Variants in AGMO observed in about 807,000 individuals in gnomAD.
AGMO encodes alkylglycerol monooxygenase.
In AGMO, 75 loss-of-function variants were observed where a neutral mutation model predicts 60.2. That is an observed-to-expected ratio of 1.25 (90% confidence interval 1.03 to 1.51). The LOEUF (loss-of-function observed/expected upper bound fraction) is 1.51, where lower values mean the gene tolerates loss of function less well. AGMO is among the 40% of genes most tolerant of loss of function. The pLI is 0.00. For synonymous variants in AGMO, 261 were observed against 177.1 expected, an observed-to-expected ratio of 1.47 and a Z score of -3.76; for missense variants, 763 against 525.5, an observed-to-expected ratio of 1.45 and a Z score of -4.42.
At chr7:15,276,897 T>C (rs1159617399) in intron 12 of AGMO, among the ~76,000 whole-genome samples, 1 of 151,934 alleles carries the variant, frequency 6.6e-6, no homozygotes, top group African/African-American at 2.4e-5. Flanking sequence ...TTTCCTTTTT[T>C]TTTTTTTTTA....
intron 3 of AGMO, among the ~76,000 whole-genome samples, chr7:15,440,069 C>G (rs117195473): frequency 0.01 from 1,534 of 152,322 alleles, 10 homozygotes; most frequent in Non-Finnish European, 0.016. Context: ...GGTTTCTGAT[C>G]TCACTGCAAA....
At position 15,234,743 on chromosome 7, in the gene AGMO, T is replaced by C. The variant is rs567587205; in HGVS notation, c.1264-33384A>G. Among the ~76,000 whole-genome samples, 52 of 152,316 alleles carry C rather than the reference T, an allele frequency of 3.4e-4. 2 individuals carry two copies. The South Asian group carries it at 9.9e-3, about 29-fold the overall frequency. ...GTCTGTAAACAAAGAGGAGTTGCTA[T>C]GTTTCAATAAAATTTTATGATCACT... On this transcript the variant is annotated intron_variant, in intron 12 of 12. Transcript: ENST00000342526.
chr7:15,218,327 ATG>A lies in AGMO; in HGVS notation c.1264-16970_1264-16969del, dbSNP rs138890087. 6.5e-3 allele frequency among the ~76,000 whole-genome samples: 937 copies of A among 143,974 alleles called. 10 individuals are homozygous for A. Among genetic ancestry groups the A allele is most frequent in the African/African-American group, 0.018 (682 of 38,852 alleles). 94.5% of individuals were successfully genotyped at this position (143,974 alleles called of 152,430 possible). A position where few individuals can be genotyped will look rare whatever the true frequency, so the allele number is the denominator to read the frequency against. On this transcript the variant is annotated intron_variant, in intron 12 of 12. Coordinates refer to ENST00000342526, the MANE Select transcript of AGMO (RefSeq NM_001004320.2). ...ATACTATATTGACTATGGTGTGTGTATGTGTGTGTGTGTGTGTGTGTGTGTGT... is the reference window on the plus strand; with the variant it reads ...ATACTATATTGACTATGGTGTGTGTATGTGTGTGTGTGTGTGTGTGTGTGT...
rs1380599751 is a variant in AGMO at position 15,531,049 on chromosome 7, CTA to C, written c.409+13721_409+13722del. On this transcript the variant is annotated intron_variant, in intron 3 of 12. Transcript: ENST00000342526. ...ATTCCATATATATTCTATATATATT[CTA>C]TATATATTCTGTATATATTCTATAT... Among the ~76,000 whole-genome samples the C allele has an allele frequency of 1.8e-4, 13 of 73,016 alleles. 1 individual carries two copies. The highest frequency in any genetic ancestry group is 9.1e-4 in the East Asian group (2 of 2,186). 47.9% of individuals were successfully genotyped at this position (73,016 alleles called of 152,430 possible).
intron 12 of AGMO, among the ~76,000 whole-genome samples, chr7:15,298,489 G>A (rs896978329): frequency 1.3e-5 from 2 of 151,876 alleles, no homozygotes; most frequent in African/African-American, 2.4e-5. Flanking sequence ...TGACCTCCTG[G>A]GCTCAGGTGA....
In AGMO at chr7:15,336,012, T is replaced by C. The variant is rs539977981; in HGVS notation, c.1263+29502A>G. 3.9e-5 allele frequency among the ~76,000 whole-genome samples: 6 copies of C among 152,282 alleles called. No individual in the cohort carries two copies. In the East Asian group the frequency reaches 5.8e-4, roughly 15 times the overall value. The stretch of plus-strand genomic sequence containing the variant: ...AGTGGAAGATCTACTCCAAAACACA[T>C]TGAAGACCTGGAGCCCTGTAAAAAT... On this transcript the variant is annotated intron_variant, in intron 12 of 12. Transcript: ENST00000342526.
rs186694720 is a variant in AGMO, at chr7:15,328,160, C to T, written c.1263+37354G>A. 2.6e-5 allele frequency among the ~76,000 whole-genome samples: 4 copies of T among 151,926 alleles called. 1 individual carries two copies. The highest frequency in any genetic ancestry group is 2.0e-4 in the Admixed American group (3 of 15,244). On this transcript the variant is annotated intron_variant, in intron 12 of 12. Coordinates refer to ENST00000342526, the MANE Select transcript of AGMO (RefSeq NM_001004320.2). Reference sequence around the variant, plus strand: ...TCGCCCAAGCTGGAGTACAATGGCACAATTTTGTCTCACTGCAACCTCAGC... The same window carrying T: ...TCGCCCAAGCTGGAGTACAATGGCATAATTTTGTCTCACTGCAACCTCAGC...
At chr7:15,464,514 G>A (rs1017542685) in intron 3 of AGMO, among the ~76,000 whole-genome samples, 1 of 152,136 alleles carries the variant, frequency 6.6e-6, no homozygotes, top group African/African-American at 2.4e-5. Flanking sequence ...TCCTCTGGTA[G>A]TTTCTCTATT....
intron 11 of AGMO, 22 bp downstream of exon 11, chr7:15,366,118 A>AT (rs767758802): frequency 1.3e-5 from 21 of 1,573,684 alleles, no homozygotes; most frequent in Non-Finnish European, 1.7e-5. Flanking sequence ...AGTAAAAACA[A>AT]TGCAAGAATT....
intron 10 of AGMO, among the ~76,000 whole-genome samples, chr7:15,367,257 A>T (rs936887450): frequency 1.2e-3 from 116 of 98,710 alleles, no homozygotes; most frequent in East Asian, 6.3e-4. Context: ...TAATTTTTTA[A>T]AAAAAATTAT....
chr7:15,331,660 C>T (rs1781501562), intron 12 of AGMO, among the ~76,000 whole-genome samples: 1 of 152,128 alleles, frequency 6.6e-6, no homozygotes, highest in Non-Finnish European at 1.5e-5. Flanking sequence ...GGCGCGGTGG[C>T]TCACACCTGT....
At chr7:15,521,686 T>C (rs530100602) in intron 3 of AGMO, among the ~76,000 whole-genome samples, 108 of 152,250 alleles carry the variant, frequency 7.1e-4, no homozygotes, top group African/African-American at 2.5e-3. Context: ...TAGGTATTGA[T>C]ACAACGTATC....
intron 12 of AGMO, among the ~76,000 whole-genome samples, chr7:15,327,827 C>T (rs932508999): frequency 6.8e-6 from 1 of 147,016 alleles, no homozygotes; most frequent in Non-Finnish European, 1.5e-5. Flanking sequence ...TATAGTGTTG[C>T]CATCACAGCT....
intron 12 of AGMO, among the ~76,000 whole-genome samples, chr7:15,357,036 A>T (rs1039218895): frequency 1.3e-5 from 2 of 151,702 alleles, no homozygotes; most frequent in Non-Finnish European, 2.9e-5. Flanking sequence ...AGGCAGGAGA[A>T]TCGCTTAAAC....
At chr7:15,428,518 T>C (rs914891260) in intron 4 of AGMO, among the ~76,000 whole-genome samples, 1 of 152,166 alleles carries the variant, frequency 6.6e-6, no homozygotes, top group Non-Finnish European at 1.5e-5. Context: ...TTTGTTACTT[T>C]GTATGCATTG....
At chr7:15,197,273 T>C (rs970121907), downstream of AGMO, among the ~76,000 whole-genome samples, 1 of 152,162 alleles carries the variant, frequency 6.6e-6, no homozygotes, top group Non-Finnish European at 1.5e-5. Context: ...ATAAATCCTA[T>C]TACTGTACAC....
chr7:15,283,101 A>C (rs1174410368), intron 12 of AGMO, among the ~76,000 whole-genome samples: 5 of 152,138 alleles, frequency 3.3e-5, no homozygotes, highest in African/African-American at 1.2e-4. Context: ...CTAAATGTTG[A>C]AACAAAAGTC....
At chr7:15,538,508 G>A (rs565854622) in intron 3 of AGMO, among the ~76,000 whole-genome samples, 2 of 152,190 alleles carry the variant, frequency 1.3e-5, no homozygotes, top group South Asian at 4.1e-4. Flanking sequence ...CGCTGAGAGT[G>A]CTGAGATTAC....
chr7:15,332,743 G>A (rs138311131), intron 12 of AGMO, among the ~76,000 whole-genome samples: 184 of 152,030 alleles, frequency 1.2e-3, no homozygotes, highest in African/African-American at 4.2e-3. Flanking sequence ...AGTATTTATT[G>A]TTATTCAAAA....
Sources: allele counts gnomAD v4.1 joint callset (sites outside exome capture counted in the v4.1 genomes callset), GRCh38; gene constraint gnomAD v4.1.1; transcripts MANE v1.5; gene names NCBI Gene and HGNC (gene_info 2026-07-23, HGNC 2026-07-21).